The following GOLM1 variants were observed in gnomAD, a reference collection of about 807,000 sequenced individuals.
GOLM1 encodes the protein epididymis luminal protein 46.
In GOLM1, 31 loss-of-function variants were observed where a neutral mutation model predicts 50.5. The ratio of observed to expected loss-of-function variants is 0.61; its 90% CI spans 0.46 to 0.83. The LOEUF (loss-of-function observed/expected upper bound fraction) is 0.83, where lower values mean the gene tolerates loss of function less well. GOLM1 is among the 40% of genes least tolerant of loss of function. The probability of loss-of-function intolerance (pLI) is 0.00; values close to 1 mark genes in which losing one functional copy is unlikely to be tolerated. For synonymous variants in GOLM1, 178 were observed against 192.8 expected (o/e 0.92, Z 0.64); for missense variants, 491 against 501.3 (o/e 0.98, Z 0.20).
At chr9:86,078,430 G>T (rs891531423) in intron 2 of GOLM1, among the ~76,000 whole-genome samples, 2 of 152,088 alleles carry the variant, frequency 1.3e-5, no homozygotes, top group Non-Finnish European at 1.5e-5. Flanking sequence ...CAGAGTAGGG[G>T]GATTCTTGCT....
At chr9:86,064,886 C>A (rs764789088) in intron 3 of GOLM1, among the ~76,000 whole-genome samples, 45 of 152,196 alleles carry the variant, frequency 3.0e-4, no homozygotes, top group Non-Finnish European at 5.1e-4. Flanking sequence ...TCCTGAACCA[C>A]AAAGGCTCGG....
intron 3 of GOLM1, among the ~76,000 whole-genome samples, chr9:86,057,113 C>A (rs1041018942): frequency 1.3e-5 from 2 of 152,140 alleles, no homozygotes; most frequent in Non-Finnish European, 2.9e-5. Flanking sequence ...GACAAGGAGG[C>A]AATAAGCGCC....
At chr9:86,098,954 C>A (rs1413559763) in intron 1 of GOLM1, among the ~76,000 whole-genome samples, 1 of 152,174 alleles carries the variant, frequency 6.6e-6, no homozygotes, top group Non-Finnish European at 1.5e-5. Context: ...GAGGAAGAGG[C>A]GGCGGGAGCC....
intron 3 of GOLM1, among the ~76,000 whole-genome samples, chr9:86,070,577 A>C (rs1186615284): frequency 6.6e-6 from 1 of 151,774 alleles, no homozygotes; most frequent in Non-Finnish European, 1.5e-5. Context: ...CCTCAAAAAA[A>C]AAAAACAAAA....
At chr9:86,054,374 T>C (rs1366639719) in intron 3 of GOLM1, among the ~76,000 whole-genome samples, 1 of 151,826 alleles carries the variant, frequency 6.6e-6, no homozygotes, top group Admixed American at 6.6e-5. Context: ...TTCAAGCAGT[T>C]CTCCTGCCTC....
chr9:86,049,151 G>T (rs7023469), intron 4 of GOLM1, among the ~76,000 whole-genome samples: 25,802 of 150,818 alleles, frequency 0.17, 2,625 homozygotes, highest in African/African-American at 0.3. Flanking sequence ...CCATTTCTTT[G>T]GTCAGGTTTG....
chr9:86,054,205 C>T (rs535446933), intron 3 of GOLM1, among the ~76,000 whole-genome samples: 1 of 152,146 alleles, frequency 6.6e-6, no homozygotes, highest in East Asian at 1.9e-4. Flanking sequence ...GGCCAGTATG[C>T]CCTGACAAGT....
In GOLM1 at chr9:86,040,869, C is replaced by T. The variant is rs1432892582; in HGVS notation, c.468-1G>A. 1 of 1,613,334 alleles carries T rather than the reference C, an allele frequency of 6.2e-7. No homozygotes were observed. Among genetic ancestry groups the T allele is most frequent in the Non-Finnish European group, 8.5e-7 (1 of 1,179,762 alleles). On this transcript the variant is annotated splice_acceptor_variant, in intron 5 of 9. Transcript: ENST00000388712. LOFTEE classifies it high-confidence loss of function. Reference sequence around the variant, plus strand: ...CTTCATCTGATTGATGCACTGGCTCCTTTGGTGAAAGAAAGCAAAGGAAGG... The same window carrying T: ...CTTCATCTGATTGATGCACTGGCTCTTTTGGTGAAAGAAAGCAAAGGAAGG...
chr9:86,033,024 T>C (rs924041898), intron 9 of GOLM1, among the ~76,000 whole-genome samples: 1 of 152,190 alleles, frequency 6.6e-6, no homozygotes, highest in Non-Finnish European at 1.5e-5. Context: ...AAAATCATCC[T>C]ACTTAAAGAG....
At chr9:86,041,005 G>A (rs1051245246) in intron 5 of GOLM1, 137 bp from the exon 6 acceptor site, 1 of 683,774 alleles carries the variant, frequency 1.5e-6, no homozygotes. Flanking sequence ...CTTAAGACAG[G>A]GCAACACGGG....
intron 1 of GOLM1, among the ~76,000 whole-genome samples, chr9:86,086,388 A>G (rs1563968317): frequency 1.3e-5 from 2 of 152,112 alleles, no homozygotes; most frequent in South Asian, 2.1e-4. Flanking sequence ...ACAGATTACA[A>G]AAGTTTTCTC....
rs1404743604 is a variant in GOLM1 at position 86,026,177 on chromosome 9, A to ATTCT, written c.*1636_*1639dup. 3.1e-6 allele frequency: 3 copies of ATTCT among 983,398 alleles called. No homozygotes were observed. The African/African-American group carries it at 5.2e-5, about 17-fold the overall frequency. The allele number at this position is 983,398 out of a possible 1,614,324, so 60.9% of individuals were successfully genotyped here. ...GAACAGAACATTTTATTTCTCAGCAATTCTATGCGTACAAATTAAACATGA... is the reference window on the plus strand; with the variant it reads ...GAACAGAACATTTTATTTCTCAGCAATTCTTTCTATGCGTACAAATTAAACATGA... On this transcript the variant is annotated 3_prime_UTR_variant, in exon 10 of 10. Transcript: ENST00000388712.
At chr9:86,053,686 A>ACACCATACCACACTCCACACTC (rs1833890283) in intron 3 of GOLM1, among the ~76,000 whole-genome samples, 1 of 88,258 alleles carries the variant, frequency 1.1e-5, no homozygotes, top group Non-Finnish European at 2.8e-5. Context: ...ACCACTCCAC[A>ACACCATACCACACTCCACACTC]CACACCACAC....
Position 86,077,553 on chromosome 9 carries a change from C to T in GOLM1, c.168G>A (p.Ala56=), listed in dbSNP as rs144734542. The change falls in exon 3 of 10, where the codon GCG becomes GCA. Residue 56 remains alanine (A), a synonymous_variant. Transcript: ENST00000388712. ...IMELEGRVRR[A]AAERGAVELK... ...GCTCCACGGCGCCTCTCTCTGCAGCCGCCCTGCGGACCCTGCCTTCCAGCT... is the reference window on the plus strand; with the variant it reads ...GCTCCACGGCGCCTCTCTCTGCAGCTGCCCTGCGGACCCTGCCTTCCAGCT... The T allele has an allele frequency of 1.9e-4, 303 of 1,613,756 alleles. 2 individuals carry two copies. The African/African-American group carries it at 2.6e-3, about 14-fold the overall frequency.
intron 6 of GOLM1, among the ~76,000 whole-genome samples, 192 bp downstream of exon 6, chr9:86,040,547 C>T (rs1344734047): frequency 6.6e-6 from 1 of 152,142 alleles, no homozygotes; most frequent in Admixed American, 6.6e-5. Context: ...GCTTGTGAAG[C>T]GGGGCTGGAG....
At chr9:86,059,150 T>C (rs1047683360) in intron 3 of GOLM1, among the ~76,000 whole-genome samples, 2 of 151,922 alleles carry the variant, frequency 1.3e-5, no homozygotes, top group Non-Finnish European at 2.9e-5. Flanking sequence ...TCTCAAAAAG[T>C]TCAACACAGA....
intron 7 of GOLM1, 66 bp from the exon 8 acceptor site, chr9:86,035,691 AAAG>A: frequency 7.3e-7 from 1 of 1,370,304 alleles, no homozygotes; most frequent in Non-Finnish European, 9.9e-7. Context: ...AAAAAAAAAA[AAAG>A]CAAAACCTGG....
chr9:86,082,368 TTTC>T (rs1439208421), intron 1 of GOLM1, among the ~76,000 whole-genome samples: 1 of 127,986 alleles, frequency 7.8e-6, no homozygotes, highest in African/African-American at 3.1e-5. Flanking sequence ...CACCACTGCA[TTTC>T]TTTTCTTTCC....
chr9:86,044,703 G>A (rs777299633), intron 5 of GOLM1, among the ~76,000 whole-genome samples: 4 of 152,176 alleles, frequency 2.6e-5, no homozygotes, highest in Non-Finnish European at 4.4e-5. Flanking sequence ...TGTAATCCCA[G>A]CACTTTGAGA....
Sources: allele counts gnomAD v4.1 joint callset (sites outside exome capture counted in the v4.1 genomes callset), GRCh38; gene constraint gnomAD v4.1.1; transcripts MANE v1.5; gene names NCBI Gene and HGNC (gene_info 2026-07-23, HGNC 2026-07-21).